GRIN2B: variants seen among roughly 807,000 people sequenced by gnomAD.
GRIN2B encodes glutamate ionotropic receptor NMDA type subunit 2B.
In GRIN2B, 5 loss-of-function variants were observed where a neutral mutation model predicts 114.5. The observed-to-expected ratio is 0.04, with a 90% CI of 0.02 to 0.09. The LOEUF is 0.09. Ranked by LOEUF, GRIN2B falls within the 10% of genes least tolerant of loss-of-function variation. The probability of loss-of-function intolerance (pLI) is 1.00; values close to 1 mark genes in which losing one functional copy is unlikely to be tolerated. For missense variants in GRIN2B, 1,108 were observed against 1,943.5 expected (o/e 0.57, Z 8.08); for synonymous variants, 787 against 745.1 (o/e 1.06, Z -0.92).
chr12:13,726,831 G>T (rs1429363897), intron 4 of GRIN2B, among the ~76,000 whole-genome samples: 2 of 151,644 alleles, frequency 1.3e-5, no homozygotes, highest in Non-Finnish European at 2.9e-5. Flanking sequence ...GACCCTTTCC[G>T]CAAGTCCACA....
intron 4 of GRIN2B, among the ~76,000 whole-genome samples, chr12:13,713,628 A>G (rs1193658526): frequency 6.6e-6 from 1 of 151,898 alleles, no homozygotes; most frequent in African/African-American, 2.4e-5. Flanking sequence ...TCCACATGTG[A>G]ACAAAAATTC....
At position 13,614,667 on chromosome 12, in the gene GRIN2B, G is replaced by A. The variant is rs187216556; in HGVS notation, c.1654+447C>T. 5.9e-5 allele frequency among the ~76,000 whole-genome samples: 9 copies of A among 152,248 alleles called. No individual in the cohort carries two copies. In the East Asian group the frequency reaches 7.7e-4, roughly 13 times the overall value. ...AAAATCTTTTTTGGTAGCTCTGAGC[G>A]CAATTCTTGCAGATAATTAAAAATA... is the stretch of plus-strand genomic sequence containing the variant. On this transcript the variant is annotated intron_variant, in intron 8 of 13. Transcript: ENST00000609686.
At chr12:13,703,360 AT>A (rs1369949386) in intron 4 of GRIN2B, among the ~76,000 whole-genome samples, 1 of 152,136 alleles carries the variant, frequency 6.6e-6, no homozygotes, top group Admixed American at 6.6e-5. Flanking sequence ...ACAACTTTAT[AT>A]TTTTTATCAC....
intron 2 of GRIN2B, among the ~76,000 whole-genome samples, chr12:13,928,408 T>A (rs1321584407): frequency 3.3e-5 from 5 of 152,178 alleles, no homozygotes; most frequent in Admixed American, 3.3e-4. Flanking sequence ...ATTCTGGCTG[T>A]ATAATAGATA....
At chr12:13,656,447 C>T (rs1482629008) in intron 5 of GRIN2B, among the ~76,000 whole-genome samples, 1 of 152,190 alleles carries the variant, frequency 6.6e-6, no homozygotes, top group Non-Finnish European at 1.5e-5. Flanking sequence ...GAATCACCAA[C>T]GTTTCTTCCA....
intron 2 of GRIN2B, among the ~76,000 whole-genome samples, chr12:13,913,800 C>T (rs537910679): frequency 6.6e-6 from 1 of 152,262 alleles, no homozygotes; most frequent in African/African-American, 2.4e-5. Context: ...TTCTCAGGGA[C>T]CACTTTCTTG....
At chr12:13,878,502 G>T (rs1011706491) in intron 2 of GRIN2B, among the ~76,000 whole-genome samples, 1 of 152,206 alleles carries the variant, frequency 6.6e-6, no homozygotes, top group East Asian at 1.9e-4. Flanking sequence ...ATAGCCCTTT[G>T]ACTGAACTAT....
intron 3 of GRIN2B, among the ~76,000 whole-genome samples, chr12:13,782,840 G>C (rs965738912): frequency 1.3e-5 from 2 of 152,092 alleles, no homozygotes; most frequent in African/African-American, 4.8e-5. Flanking sequence ...GCCCAGCAGT[G>C]GGCCAGGGAC....
intron 3 of GRIN2B, among the ~76,000 whole-genome samples, chr12:13,826,913 C>T (rs546658715): frequency 1.3e-5 from 2 of 150,618 alleles, no homozygotes; most frequent in East Asian, 1.9e-4. Flanking sequence ...ATTACCTCAG[C>T]TTTTTTTTTC....
At chr12:13,695,380 T>C (rs1591681341) in intron 4 of GRIN2B, among the ~76,000 whole-genome samples, 1 of 152,272 alleles carries the variant, frequency 6.6e-6, no homozygotes, top group East Asian at 1.9e-4. Context: ...AAACAATGGT[T>C]TAAAGACTAT....
intron 5 of GRIN2B, among the ~76,000 whole-genome samples, 198 bp from the exon 6 acceptor site, chr12:13,616,855 A>G (rs1949450002): frequency 6.6e-6 from 1 of 152,258 alleles, no homozygotes; most frequent in African/African-American, 2.4e-5. Context: ...TAAGAAAGGC[A>G]ATACATTCAT....
In GRIN2B at chr12:13,775,969, A is replaced by T. The variant is rs552562726; in HGVS notation, c.412-22054T>A. Among the ~76,000 whole-genome samples, 51 of 152,308 alleles carry T rather than the reference A, an allele frequency of 3.3e-4. 1 individual carries two copies. The highest frequency in any genetic ancestry group is 1.1e-3 in the African/African-American group (47 of 41,574). ...ATAAATCATTCTATTATAAAGACAC[A>T]TGTACACGTATGTTCACTGCAGCAC... is the stretch of plus-strand genomic sequence containing the variant. On this transcript the variant is annotated intron_variant, in intron 3 of 13. Coordinates refer to ENST00000609686, the MANE Select transcript of GRIN2B (RefSeq NM_000834.5).
At chr12:13,808,829 A>G (rs912242181) in intron 3 of GRIN2B, among the ~76,000 whole-genome samples, 1 of 151,560 alleles carries the variant, frequency 6.6e-6, no homozygotes, top group Non-Finnish European at 1.5e-5. Context: ...TTCAGCGCTC[A>G]GGCTATCATG....
chr12:13,710,493 C>T (rs1950404448), intron 4 of GRIN2B, among the ~76,000 whole-genome samples: 1 of 152,044 alleles, frequency 6.6e-6, no homozygotes, highest in South Asian at 2.1e-4. Flanking sequence ...TCGTCTCAGC[C>T]CAAAATCTCC....
At chr12:13,811,355 A>C (rs1311150199) in intron 3 of GRIN2B, among the ~76,000 whole-genome samples, 1 of 152,198 alleles carries the variant, frequency 6.6e-6, no homozygotes, top group Non-Finnish European at 1.5e-5. Context: ...AAGCTGAGCC[A>C]GGAGGGTCGC....
intron 3 of GRIN2B, among the ~76,000 whole-genome samples, chr12:13,797,112 A>T (rs1050976794): frequency 4.6e-5 from 7 of 152,214 alleles, no homozygotes; most frequent in African/African-American, 1.4e-4. Flanking sequence ...AGGAACAGAA[A>T]TTTATTTCTC....
intron 5 of GRIN2B, among the ~76,000 whole-genome samples, chr12:13,625,502 A>C (rs1259424502): frequency 6.6e-6 from 1 of 152,208 alleles, no homozygotes; most frequent in African/African-American, 2.4e-5. Context: ...TGCCGGGCTC[A>C]TTAGTTTTCT....
chr12:13,627,899 C>T (rs922796714), intron 5 of GRIN2B, among the ~76,000 whole-genome samples: 10 of 152,228 alleles, frequency 6.6e-5, no homozygotes, highest in Non-Finnish European at 1.2e-4. Flanking sequence ...ATTCCCCATG[C>T]ACTCCTTCTA....
At chr12:13,696,512 G>T (rs1565503848) in intron 4 of GRIN2B, among the ~76,000 whole-genome samples, 1 of 152,054 alleles carries the variant, frequency 6.6e-6, no homozygotes, top group Non-Finnish European at 1.5e-5. Context: ...TGAAAAAGTT[G>T]CCCCAGGAAT....
Sources: gnomAD v4.1 joint callset for allele counts (sites outside exome capture counted in the v4.1 genomes callset) on GRCh38, gnomAD v4.1.1 for gene constraint, MANE v1.5 for transcripts, NCBI Gene and HGNC (gene_info 2026-07-23, HGNC 2026-07-21) for gene names.